CC2D2A: variants seen among roughly 807,000 people sequenced by gnomAD.
The protein encoded by CC2D2A is coiled-coil and C2 domain containing 2A, also known as coiled-coil and C2 domain-containing protein 2A.
In CC2D2A, 155 loss-of-function variants were observed where a neutral mutation model predicts 212.9. That is an observed-to-expected ratio of 0.73 (90% CI 0.64 to 0.83). The LOEUF (loss-of-function observed/expected upper bound fraction) is 0.83. Among genes scored for constraint, CC2D2A ranks in the 40% least tolerant of loss-of-function variants. The probability of loss-of-function intolerance (pLI) is 0.00; values close to 1 mark genes in which losing one functional copy is unlikely to be tolerated. For synonymous variants in CC2D2A, 667 were observed against 686.5 expected (o/e 0.97, Z 0.44); for missense variants, 1,856 against 1,956.2 (o/e 0.95, Z 0.97).
rs776020343 is a variant in CC2D2A, at chr4:15,514,846, T to C, written c.857T>C (p.Leu286Pro). 1.8e-5 allele frequency: 29 copies of C among 1,613,796 alleles called. No homozygotes were observed. Among genetic ancestry groups the C allele is most frequent in the Non-Finnish European group, 2.2e-5 (26 of 1,179,818 alleles). Reference sequence around the variant, plus strand: ...CGGCTGCAGATGGAAAGAGAAATGCTCTTCATACCCAGTAGGCAGACAGGT... The same window carrying C: ...CGGCTGCAGATGGAAAGAGAAATGCCCTTCATACCCAGTAGGCAGACAGGT... ...HDRLQMEREM[L>P]FIPSRQTVPT... Residue 286 changes from leucine to proline, a missense_variant, in exon 9 of 37, where the codon CTC becomes CCC. By Grantham distance (98) the Leu-to-Pro change is moderately conservative (BLOSUM62 -3). Transcript: ENST00000424120.
intron 4 of CC2D2A, among the ~76,000 whole-genome samples, chr4:15,482,657 T>C (rs1043833120): frequency 2.6e-5 from 4 of 152,092 alleles, no homozygotes; most frequent in Admixed American, 2.0e-4. Flanking sequence ...TGCAGTCAGA[T>C]TGGGGGAGAA....
chr4:15,577,714 CTT>C (rs537406474), intron 29 of CC2D2A, among the ~76,000 whole-genome samples: 2 of 146,268 alleles, frequency 1.4e-5, no homozygotes, highest in Non-Finnish European at 1.5e-5. Flanking sequence ...TTTAGACACA[CTT>C]TTTTTTTTTT....
intron 28 of CC2D2A, among the ~76,000 whole-genome samples, chr4:15,572,929 G>C (rs1486986074): frequency 6.6e-6 from 1 of 152,176 alleles, no homozygotes; most frequent in African/African-American, 2.4e-5. Flanking sequence ...TAATGTTTGA[G>C]GGCAGGAAGC....
In CC2D2A at chr4:15,533,184, A is replaced by G. The variant is rs1717941444; in HGVS notation, c.1467-9A>G. On this transcript the variant is annotated splice_polypyrimidine_tract_variant and intron_variant, in intron 13 of 36. Transcript: ENST00000424120. ...TTAATATATACTCATGTGTTATTAT[A>G]TCTTGCAGACAAACAAGAAAATTCC... 2 of 1,576,550 alleles carry G rather than the reference A, an allele frequency of 1.3e-6. No individual in the cohort carries two copies. Among genetic ancestry groups the G allele is most frequent in the African/African-American group, 2.8e-5 (2 of 72,452 alleles).
intron 8 of CC2D2A, among the ~76,000 whole-genome samples, 176 bp from the exon 9 acceptor site, chr4:15,514,531 A>T (rs918442829): frequency 2.6e-5 from 4 of 152,162 alleles, no homozygotes; most frequent in South Asian, 2.1e-4. Context: ...CAATTTTTTT[A>T]AAAACCCACT....
chr4:15,515,267 C>T (rs1297541551), intron 9 of CC2D2A, among the ~76,000 whole-genome samples: 2 of 152,360 alleles, frequency 1.3e-5, no homozygotes, highest in East Asian at 1.9e-4. Flanking sequence ...CTGCCTATCA[C>T]TCCCACTATG....
chr4:15,570,721 T>C (rs576027203), intron 28 of CC2D2A, among the ~76,000 whole-genome samples: 1 of 152,132 alleles, frequency 6.6e-6, no homozygotes, highest in South Asian at 2.1e-4. Flanking sequence ...CCGGGCGTGG[T>C]GGTGCGCACC....
rs2109058193 is a variant in CC2D2A, at chr4:15,557,430, A to G, written c.2752A>G (p.Ser918Gly). 1.2e-6 allele frequency: 2 copies of G among 1,613,436 alleles called. No individual in the cohort carries two copies. The change falls in exon 21 of 37, where the codon AGC (serine) becomes GGC (glycine). Residue 918 changes from serine to glycine, a missense_variant. This residue lies in a region of CC2D2A where 1,512 missense variants were observed against 1,579.3 expected (regional missense o/e 0.96). Coordinates refer to ENST00000424120, the MANE Select transcript of CC2D2A (RefSeq NM_001378615.1). ...ACGATTTAGGCTTCTTCATCTTAGA[A>G]GCCAAGAGGTGCCAGAATTCCGAAA... ...SKRFRLLHLRSQEVPEFRNYK... is the reference protein window; with the variant it reads ...SKRFRLLHLRGQEVPEFRNYK...
chr4:15,485,705 T>C (rs61170754), intron 4 of CC2D2A, among the ~76,000 whole-genome samples: 12,004 of 152,268 alleles, frequency 0.079, 716 homozygotes, highest in Admixed American at 0.19. Flanking sequence ...TTAATTTGCA[T>C]ATCCCTCATG....
At chr4:15,554,358 G>T (rs957335591) in intron 19 of CC2D2A, among the ~76,000 whole-genome samples, 1 of 152,178 alleles carries the variant, frequency 6.6e-6, no homozygotes, top group Admixed American at 6.5e-5. Context: ...TCCAAAGCTG[G>T]TGCTTAAGTT....
intron 19 of CC2D2A, 34 bp downstream of exon 19, chr4:15,553,339 G>A (rs1719104145): frequency 6.2e-7 from 1 of 1,605,264 alleles, no homozygotes; most frequent in African/African-American, 1.3e-5. Flanking sequence ...GATGAGCAAT[G>A]TCAGTGTTAT....
chr4:15,536,511 C>A (rs1560170682), intron 14 of CC2D2A, among the ~76,000 whole-genome samples: 1 of 152,022 alleles, frequency 6.6e-6, no homozygotes, highest in Admixed American at 6.6e-5. Flanking sequence ...GACTCAGTAG[C>A]AACAAAATGA....
At chr4:15,487,564 A>G (rs964790196) in intron 4 of CC2D2A, among the ~76,000 whole-genome samples, 15 of 152,176 alleles carry the variant, frequency 9.9e-5, no homozygotes, top group African/African-American at 3.6e-4. Context: ...TATAGGTAGC[A>G]TATAATTGGC....
At chr4:15,567,568 G>A (rs1719943848) in intron 25 of CC2D2A, 86 bp downstream of exon 25, 5 of 1,360,356 alleles carry the variant, frequency 3.7e-6, no homozygotes, top group Non-Finnish European at 5.1e-6. Context: ...TCTGCTCTCT[G>A]CTTCATTTTC....
At chr4:15,482,667 AGG>A (rs1416925010) in intron 4 of CC2D2A, among the ~76,000 whole-genome samples, 2 of 151,848 alleles carry the variant, frequency 1.3e-5, no homozygotes, top group African/African-American at 4.9e-5. Context: ...TTGGGGGAGA[AGG>A]CTTCAACATA....
intron 24 of CC2D2A, 133 bp downstream of exon 24, chr4:15,563,655 C>T (rs1719728602): frequency 2.3e-6 from 2 of 886,588 alleles, no homozygotes; most frequent in African/African-American, 3.3e-5. Flanking sequence ...CTTGCAAAGC[C>T]AAGGCCCTAC....
At chr4:15,492,715 C>T in intron 4 of CC2D2A, 1 of 794,002 alleles carries the variant, frequency 1.3e-6, no homozygotes, top group Non-Finnish European at 2.1e-6. Context: ...TCTGGTGGTC[C>T]AGGGGTCTTA....
At chr4:15,509,422 C>T (rs946936020) in intron 6 of CC2D2A, among the ~76,000 whole-genome samples, 8 of 151,998 alleles carry the variant, frequency 5.3e-5, no homozygotes, top group African/African-American at 1.2e-4. Context: ...TACAGGCGCC[C>T]GCCACCACGC....
chr4:15,479,267 C>T, intron 3 of CC2D2A: 5 of 1,537,238 alleles, frequency 3.3e-6, no homozygotes, highest in Non-Finnish European at 4.4e-6. Flanking sequence ...TCCTCCCCCA[C>T]CTCTCCGCAG....
Sources: allele counts gnomAD v4.1 joint callset (sites outside exome capture counted in the v4.1 genomes callset), GRCh38; gene constraint gnomAD v4.1.1; regional missense constraint gnomAD v4.1.1; transcripts MANE v1.5; gene names NCBI Gene and HGNC (gene_info 2026-07-23, HGNC 2026-07-21).